The following NEURL1 variants were observed in gnomAD, a reference collection of about 807,000 sequenced individuals.
NEURL1 encodes the protein E3 ubiquitin-protein ligase NEURL1.
A neutral mutation model predicts 41.2 loss-of-function variants in NEURL1; 26 were observed. The ratio of observed to expected loss-of-function variants is 0.63; its 90% CI spans 0.46 to 0.87. The LOEUF is 0.87. NEURL1 is among the 40% of genes least tolerant of loss of function. NEURL1 has a pLI of 0.00. For synonymous variants in NEURL1, 400 were observed against 402.3 expected (o/e 0.99, Z 0.07); for missense variants, 761 against 871.1 (o/e 0.87, Z 1.59).
intron 4 of NEURL1, chr10:103,588,768 A>G (rs1482204274): frequency 2.4e-6 from 1 of 422,372 alleles, no homozygotes. Flanking sequence ...ACATGGTGAA[A>G]CCCCGTCTCT....
At chr10:103,550,279 A>T (rs2035007303) in intron 1 of NEURL1, among the ~76,000 whole-genome samples, 1 of 152,200 alleles carries the variant, frequency 6.6e-6, no homozygotes, top group Non-Finnish European at 1.5e-5. Flanking sequence ...GTCAGGGGAC[A>T]GGAGATGGCA....
At position 103,571,638 on chromosome 10, in the gene NEURL1, G is replaced by A; in HGVS notation, c.465G>A (p.Lys155=). The change falls in exon 3 of 6, where the codon AAG becomes AAA. Residue 155 remains lysine (K), a synonymous_variant. Transcript: ENST00000369780. ...DLVSQSGFWA[K]ALPEEFANEG... Reference sequence around the variant, plus strand: ...TGTCCCAGAGTGGCTTCTGGGCCAAGGCGCTGCCTGAGGAGTTTGCCAATG... The same window carrying A: ...TGTCCCAGAGTGGCTTCTGGGCCAAAGCGCTGCCTGAGGAGTTTGCCAATG... 1 of 1,614,156 alleles carries A rather than the reference G, an allele frequency of 6.2e-7. No individual in the cohort carries two copies. The highest frequency in any genetic ancestry group is 8.5e-7 in the Non-Finnish European group (1 of 1,180,022).
intron 1 of NEURL1, among the ~76,000 whole-genome samples, chr10:103,568,141 C>T (rs1175957788): frequency 2.0e-5 from 3 of 152,158 alleles, no homozygotes; most frequent in East Asian, 3.8e-4. Context: ...CCTGGGTGCA[C>T]ATGGTGCCCC....
In NEURL1 at chr10:103,524,032, T is replaced by C. The variant is rs1432066447; in HGVS notation, c.85+29560T>C. The stretch of plus-strand genomic sequence containing the variant: ...GGAACCTTGATACTGTTTTCCATAA[T>C]GGCTGTACTAATTTACATTCCCGCC... On this transcript the variant is annotated intron_variant, in intron 1 of 5. Transcript: ENST00000369780. 2.0e-5 allele frequency among the ~76,000 whole-genome samples: 3 copies of C among 152,338 alleles called. No individual in the cohort carries two copies. The East Asian group carries it at 5.8e-4, about 29-fold the overall frequency.
chr10:103,557,499 C>G (rs963905710), intron 1 of NEURL1, among the ~76,000 whole-genome samples: 4 of 152,164 alleles, frequency 2.6e-5, no homozygotes, highest in African/African-American at 4.8e-5. Context: ...AATGCCACAT[C>G]TGCCTTGACC....
chr10:103,566,634 T>C lies in NEURL1; in HGVS notation c.86-4238T>C, dbSNP rs1258884661. Reference sequence around the variant, plus strand: ...GTTTGAGTTGTTTCTAGTTCAGGGTTATTATGAATAAAGCTGCTGTACGTT... The same window carrying C: ...GTTTGAGTTGTTTCTAGTTCAGGGTCATTATGAATAAAGCTGCTGTACGTT... On this transcript the variant is annotated intron_variant, in intron 1 of 5. Transcript: ENST00000369780. This position sits in a 1 kb window ranked among gnomAD's most constrained non-coding sequence, Gnocchi z 4.2. Among the ~76,000 whole-genome samples the C allele has an allele frequency of 6.6e-6, 1 of 152,242 alleles. No homozygotes were observed. Among genetic ancestry groups the C allele is most frequent in the Non-Finnish European group, 1.5e-5 (1 of 68,038 alleles).
At chr10:103,524,869 T>A (rs1000216207) in intron 1 of NEURL1, among the ~76,000 whole-genome samples, 3 of 152,190 alleles carry the variant, frequency 2.0e-5, no homozygotes, top group African/African-American at 7.2e-5. Context: ...GGTCTGGTAG[T>A]GTGATATGTC....
intron 1 of NEURL1, among the ~76,000 whole-genome samples, chr10:103,547,372 C>T (rs1021616939): frequency 3.3e-5 from 5 of 152,242 alleles, no homozygotes; most frequent in Non-Finnish European, 7.3e-5. Context: ...CCTGTACTGT[C>T]ACTTTGTTGT....
chr10:103,530,985 G>T (rs1016927049), intron 1 of NEURL1, among the ~76,000 whole-genome samples: 3 of 152,098 alleles, frequency 2.0e-5, no homozygotes, highest in Non-Finnish European at 4.4e-5. Flanking sequence ...CACTTTGGGA[G>T]GCTGAGCAGG....
At chr10:103,548,362 A>T (rs1043266920) in intron 1 of NEURL1, among the ~76,000 whole-genome samples, 3 of 150,736 alleles carry the variant, frequency 2.0e-5, no homozygotes, top group Admixed American at 6.6e-5. Flanking sequence ...CACTCTTGTC[A>T]CCCAGGCTGG....
At chr10:103,585,340 A>T (rs1376000265) in intron 4 of NEURL1, 115 bp downstream of exon 4, 4 of 956,468 alleles carry the variant, frequency 4.2e-6, no homozygotes, top group East Asian at 2.9e-5. Context: ...GTTGCTAAGG[A>T]ATCACAGACA....
chr10:103,560,721 G>T (rs1015608873), intron 1 of NEURL1, among the ~76,000 whole-genome samples: 5 of 152,174 alleles, frequency 3.3e-5, no homozygotes, highest in African/African-American at 1.2e-4. Context: ...GAGCATGCCA[G>T]TTAGCTAGCT....
intron 1 of NEURL1, chr10:103,550,824 C>T (rs1423812042): frequency 2.0e-5 from 3 of 152,222 alleles, no homozygotes; most frequent in African/African-American, 7.2e-5. Flanking sequence ...TTCAGAATAA[C>T]CTCTCTAAGC....
At position 103,589,614 on chromosome 10, in the gene NEURL1, C is replaced by G; in HGVS notation, c.1440C>G (p.Pro480=). 6.2e-7 allele frequency: 1 copy of G among 1,613,980 alleles called. No homozygotes were observed. Among genetic ancestry groups the G allele is most frequent in the Non-Finnish European group, 8.5e-7 (1 of 1,179,902 alleles). Reference sequence around the variant, plus strand: ...CCCTGGGCAGCCGCCTGTCTGACCCCTTGCTCAGCACGTGCAGCTCTGGCC... The same window carrying G: ...CCCTGGGCAGCCGCCTGTCTGACCCGTTGCTCAGCACGTGCAGCTCTGGCC... The part of the protein sequence containing the change: ...PSALGSRLSD[P]LLSTCSSGPL... The change falls in exon 5 of 6, where the codon CCC becomes CCG. Residue 480 remains proline, a synonymous_variant. Transcript: ENST00000369780.
Position 103,493,844 on chromosome 10 carries a change from C to G in NEURL1, c.-544C>G, listed in dbSNP as rs2033612569. 1 of 151,826 alleles carries G rather than the reference C, an allele frequency of 6.6e-6. No homozygotes were observed. Among genetic ancestry groups the G allele is most frequent in the Non-Finnish European group, 1.5e-5 (1 of 67,948 alleles). The allele number at this position is 151,826 out of a possible 1,614,324, so 9.4% of individuals were successfully genotyped here. On this transcript the variant is annotated 5_prime_UTR_variant, in exon 1 of 6. Coordinates refer to ENST00000369780, the MANE Select transcript of NEURL1 (RefSeq NM_004210.5). ...GACCGCGGCGGTCGGGGGACACCAG[C>G]TGCGTCGGAGCGCCCAGAACGCCCC... is the stretch of plus-strand genomic sequence containing the variant.
At chr10:103,567,193 AG>A (rs1346028898) in intron 1 of NEURL1, among the ~76,000 whole-genome samples, 1 of 151,956 alleles carries the variant, frequency 6.6e-6, no homozygotes, top group African/African-American at 2.4e-5. Flanking sequence ...CGTGTTGGCC[AG>A]GCTGGTCTCG....
intron 4 of NEURL1, among the ~76,000 whole-genome samples, chr10:103,585,678 C>T (rs2035906404): frequency 6.6e-6 from 1 of 151,998 alleles, no homozygotes; most frequent in Admixed American, 6.5e-5. Context: ...ACTAAAAATA[C>T]AAACAATTAG....
chr10:103,559,476 A>G (rs2035234729), intron 1 of NEURL1, among the ~76,000 whole-genome samples: 1 of 131,650 alleles, frequency 7.6e-6, no homozygotes, highest in Admixed American at 7.7e-5. Flanking sequence ...AGGTGGCCTG[A>G]GGGGTGGGTG....
At chr10:103,543,114 G>A (rs1460307019) in intron 1 of NEURL1, among the ~76,000 whole-genome samples, 1 of 152,180 alleles carries the variant, frequency 6.6e-6, no homozygotes, top group African/African-American at 2.4e-5. Context: ...CTTTAATCCG[G>A]GAGAAGCTGG....
Sources: allele counts gnomAD v4.1 joint callset (sites outside exome capture counted in the v4.1 genomes callset), GRCh38; gene constraint gnomAD v4.1.1; non-coding constraint Gnocchi (gnomAD v3.1); transcripts MANE v1.5; gene names NCBI Gene and HGNC (gene_info 2026-07-23, HGNC 2026-07-21).